Variants in RBFOX1 observed in about 807,000 individuals in gnomAD.
RBFOX1 encodes RNA binding protein fox-1 homolog 1.
Under a neutral mutation model 57.7 loss-of-function variants are expected in RBFOX1, and 8 were observed. The ratio of observed to expected loss-of-function variants is 0.14; its 90% CI spans 0.08 to 0.25. The LOEUF (loss-of-function observed/expected upper bound fraction) is 0.25, where lower values mean the gene tolerates loss of function less well. RBFOX1 is among the 10% of genes least tolerant of loss of function. RBFOX1 has a pLI of 1.00. For missense variants in RBFOX1, 611 were observed against 548.5 expected, an observed-to-expected ratio of 1.11 and a Z score of -1.14; for synonymous variants, 326 against 222.4, an observed-to-expected ratio of 1.47 and a Z score of -4.15.
At chr16:6,516,600 C>G (rs945705136) in intron 2 of RBFOX1, among the ~76,000 whole-genome samples, 6 of 152,148 alleles carry the variant, frequency 3.9e-5, no homozygotes, top group Non-Finnish European at 8.8e-5. Flanking sequence ...AAACCCAACA[C>G]TTTCATGGAA....
intron 1 of RBFOX1, among the ~76,000 whole-genome samples, chr16:5,315,506 C>A (rs2064212645): frequency 6.6e-6 from 1 of 152,152 alleles, no homozygotes; most frequent in Non-Finnish European, 1.5e-5. Context: ...AGCTGCACCC[C>A]AAGCTGTCTC....
At chr16:7,016,810 A>T (rs2093939165) in intron 3 of RBFOX1, among the ~76,000 whole-genome samples, 1 of 152,174 alleles carries the variant, frequency 6.6e-6, no homozygotes, top group Non-Finnish European at 1.5e-5. Context: ...GTTACCCGCC[A>T]GGTGAGGTTA....
In RBFOX1 at chr16:7,653,655, C is replaced by T. The variant is rs140971459; in HGVS notation, c.758-160C>T. ...CTCTCTGGAGTCCCACCCTGGCCAC[C>T]GTGCTGCTCTCTGCTTTTTAACCTC... On this transcript the variant is annotated intron_variant, in intron 11 of 15. Coordinates refer to ENST00000550418, the MANE Select transcript of RBFOX1 (RefSeq NM_018723.4). Among the ~76,000 whole-genome samples, 84 of 152,322 alleles carry T rather than the reference C, an allele frequency of 5.5e-4. 1 individual carries two copies. The South Asian group carries it at 7.7e-3, about 14-fold the overall frequency.
At chr16:5,268,879 G>T (rs1480954229) in intron 1 of RBFOX1, among the ~76,000 whole-genome samples, 1 of 151,724 alleles carries the variant, frequency 6.6e-6, no homozygotes, top group African/African-American at 2.4e-5. Flanking sequence ...GAAGGTTCTA[G>T]TTTCTCTGCA....
At chr16:5,843,836 A>G (rs1159873031) in intron 3 of RBFOX1, among the ~76,000 whole-genome samples, 3 of 152,222 alleles carry the variant, frequency 2.0e-5, no homozygotes, top group African/African-American at 2.4e-5. Context: ...GCTGGCACCA[A>G]TGAGAGAACA....
Position 6,843,638 on chromosome 16 carries a change from G to A in RBFOX1, c.-16+188988G>A, listed in dbSNP as rs796850402. Among the ~76,000 whole-genome samples the A allele has an allele frequency of 4.6e-5, 7 of 152,138 alleles. No individual in the cohort carries two copies. The East Asian group carries it at 5.8e-4, about 13-fold the overall frequency. On this transcript the variant is annotated intron_variant, in intron 3 of 15. Transcript: ENST00000550418. ...CAGGAGGTGGAGCTTGCAGTGAGCC[G>A]ACATCGCGCCACCGCACTCCAGCCT...
chr16:6,431,924 T>A (rs947163437), intron 2 of RBFOX1, among the ~76,000 whole-genome samples: 1 of 127,624 alleles, frequency 7.8e-6, no homozygotes, highest in African/African-American at 2.6e-5. Context: ...TTTCTTTCTT[T>A]CTTTCTTTCT....
chr16:5,294,670 T>C (rs1051266139), intron 1 of RBFOX1, among the ~76,000 whole-genome samples: 3 of 152,148 alleles, frequency 2.0e-5, no homozygotes, highest in African/African-American at 7.2e-5. Context: ...CCCCTGTATT[T>C]GCCCTTTCCT....
chr16:6,585,880 G>C (rs921680647), intron 2 of RBFOX1, among the ~76,000 whole-genome samples: 2 of 152,220 alleles, frequency 1.3e-5, no homozygotes, highest in East Asian at 3.9e-4. Flanking sequence ...GTATGCATGA[G>C]TATTGTAGAA....
At chr16:7,135,182 T>C (rs986402307) in intron 4 of RBFOX1, among the ~76,000 whole-genome samples, 5 of 152,224 alleles carry the variant, frequency 3.3e-5, no homozygotes, top group African/African-American at 4.8e-5. Context: ...TTGTTCTGTT[T>C]CCTCAGTGTA....
intron 4 of RBFOX1, among the ~76,000 whole-genome samples, chr16:7,064,256 C>G (rs747220238): frequency 3.9e-4 from 58 of 148,606 alleles, no homozygotes; most frequent in Non-Finnish European, 7.4e-4. Flanking sequence ...GCAACTTCCG[C>G]CTCCCAGGTT....
At position 7,595,594 on chromosome 16, in the gene RBFOX1, G is replaced by T; in HGVS notation, c.514G>T (p.Ala172Ser). ...TFENSADADR[A>S]REKLHGTVVE... is the part of the protein sequence containing the mutation. ...CGAAAATAGTGCCGATGCGGACAGG[G>T]CGAGGGAGAAATTACACGGCACCGT... The change falls in exon 8 of 16, where the codon GCG becomes TCG. Residue 172 changes from alanine (A) to serine (S), a missense_variant. Coordinates refer to ENST00000550418, the MANE Select transcript of RBFOX1 (RefSeq NM_018723.4). 1 of 1,569,898 alleles carries T rather than the reference G, an allele frequency of 6.4e-7. No homozygotes were observed. Among genetic ancestry groups the T allele is most frequent in the South Asian group, 1.2e-5 (1 of 82,728 alleles).
At chr16:6,855,571 T>A (rs924826862) in intron 3 of RBFOX1, among the ~76,000 whole-genome samples, 3 of 148,672 alleles carry the variant, frequency 2.0e-5, no homozygotes, top group Non-Finnish European at 4.4e-5. Context: ...GAGAATGGCG[T>A]GAACCCGAGA....
intron 2 of RBFOX1, among the ~76,000 whole-genome samples, chr16:6,501,107 T>C (rs2095904526): frequency 6.7e-6 from 1 of 150,266 alleles, no homozygotes; most frequent in Non-Finnish European, 1.5e-5. Context: ...CTGCTGAGCC[T>C]CTTTGTCTTG....
intron 3 of RBFOX1, among the ~76,000 whole-genome samples, chr16:5,746,726 T>C (rs912278823): frequency 9.2e-5 from 14 of 152,224 alleles, no homozygotes; most frequent in African/African-American, 3.4e-4. Context: ...TCACTCATGA[T>C]TTGGCTCTCT....
chr16:5,906,900 C>A (rs149974403), intron 4 of RBFOX1, among the ~76,000 whole-genome samples: 3,170 of 151,804 alleles, frequency 0.021, 128 homozygotes, highest in African/African-American at 0.073. Context: ...ATGCCTGGCT[C>A]ATTTTTTTGT....
intron 2 of RBFOX1, among the ~76,000 whole-genome samples, chr16:6,629,388 C>G (rs1823558201): frequency 6.6e-6 from 1 of 152,182 alleles, no homozygotes; most frequent in African/African-American, 2.4e-5. Flanking sequence ...ACTTTTGGCC[C>G]TGAGAGTACC....
At chr16:5,725,344 A>G (rs956418392) in intron 3 of RBFOX1, among the ~76,000 whole-genome samples, 7 of 152,116 alleles carry the variant, frequency 4.6e-5, no homozygotes, top group African/African-American at 1.7e-4. Context: ...CTTTGGCTCA[A>G]GGGGTCCTCC....
chr16:6,998,742 A>G lies in RBFOX1; in HGVS notation c.-15-53315A>G, dbSNP rs116336207. ...TCTTGTACAGAAAACTTAATATATC[A>G]GGCTCTCTTGAGAGAGTAGGAAGGG... On this transcript the variant is annotated intron_variant, in intron 3 of 15. Transcript: ENST00000550418. 3.6e-3 allele frequency among the ~76,000 whole-genome samples: 554 copies of G among 152,220 alleles called. 5 individuals carry two copies. The highest frequency in any genetic ancestry group is 0.013 in the African/African-American group (526 of 41,518).
Sources: gnomAD v4.1 joint callset for allele counts (sites outside exome capture counted in the v4.1 genomes callset) on GRCh38, gnomAD v4.1.1 for gene constraint, MANE v1.5 for transcripts, NCBI Gene and HGNC (gene_info 2026-07-23, HGNC 2026-07-21) for gene names.